The following ATE1 variants were observed in gnomAD, a reference collection of about 807,000 sequenced individuals.
ATE1 encodes arginyltransferase 1, also known as arginyl-tRNA--protein transferase 1.
Under a neutral mutation model 70.5 loss-of-function variants are expected in ATE1, and 36 were observed. The observed-to-expected ratio is 0.51, with a 90% CI of 0.39 to 0.67. The LOEUF is 0.67. Ranked by LOEUF, ATE1 falls within the 30% of genes least tolerant of loss-of-function variation. The pLI, the probability that ATE1 is intolerant of heterozygous loss-of-function variation, is 0.00. For missense variants in ATE1, 593 were observed against 629.5 expected, an observed-to-expected ratio of 0.94 and a Z score of 0.62; for synonymous variants, 232 against 219.3, an observed-to-expected ratio of 1.06 and a Z score of -0.51.
In ATE1 at chr10:121,857,908, T is replaced by C. The variant is rs544166307; in HGVS notation, c.975+12098A>G. Among the ~76,000 whole-genome samples the C allele has an allele frequency of 7.9e-5, 12 of 152,338 alleles. 1 individual carries two copies. The East Asian group carries it at 2.1e-3, about 27-fold the overall frequency. On this transcript the variant is annotated intron_variant, in intron 8 of 11. Coordinates refer to ENST00000224652, the MANE Select transcript of ATE1 (RefSeq NM_001001976.3). ...CACTTTCTAGCTGTAGCCACTTGAC[T>C]ACTGTATGTACCTCATGTAAGTAGA... is the stretch of plus-strand genomic sequence containing the variant.
At chr10:121,925,505 T>G (rs1227715611) in intron 1 of ATE1, among the ~76,000 whole-genome samples, 3 of 151,464 alleles carry the variant, frequency 2.0e-5, no homozygotes, top group Non-Finnish European at 2.9e-5. Flanking sequence ...GGGGCTATGA[T>G]GTTGTCAACA....
chr10:121,925,979 G>A (rs1952073262), intron 1 of ATE1, among the ~76,000 whole-genome samples: 1 of 152,162 alleles, frequency 6.6e-6, no homozygotes, highest in Non-Finnish European at 1.5e-5. Context: ...GCCGAGGCGG[G>A]TAGATCACCT....
rs1949109953 is a variant in ATE1 at position 121,852,939 on chromosome 10, C to T, written c.976-11676G>A. ...GTGCAACAGATTCCTAATTTTCTGGCTGACAATTAGACACTAAAGACAGGG... is the reference window on the plus strand; with the variant it reads ...GTGCAACAGATTCCTAATTTTCTGGTTGACAATTAGACACTAAAGACAGGG... On this transcript the variant is annotated intron_variant, in intron 8 of 11. Coordinates refer to ENST00000224652, the MANE Select transcript of ATE1 (RefSeq NM_001001976.3). Among the ~76,000 whole-genome samples the T allele has an allele frequency of 2.0e-5, 3 of 152,068 alleles. 1 individual carries two copies. Among genetic ancestry groups the T allele is most frequent in the Admixed American group, 1.3e-4 (2 of 15,274 alleles).
chr10:121,912,860 G>A (rs1013974852), intron 4 of ATE1, among the ~76,000 whole-genome samples: 4 of 149,936 alleles, frequency 2.7e-5, no homozygotes, highest in East Asian at 4.1e-4. Context: ...CTCAGCCTCC[G>A]AGTAGCTGGG....
rs1590606439 is a variant in ATE1 at position 121,878,367 on chromosome 10, T to C, written c.943-8329A>G. ...CAGCACTTTGGGAGGCTGAGGCGGGTAGACTGCTTGAGGCCAGGAGTTCGA... is the reference window on the plus strand; with the variant it reads ...CAGCACTTTGGGAGGCTGAGGCGGGCAGACTGCTTGAGGCCAGGAGTTCGA... On this transcript the variant is annotated intron_variant, in intron 7 of 11. Coordinates refer to ENST00000224652, the MANE Select transcript of ATE1 (RefSeq NM_001001976.3). Among the ~76,000 whole-genome samples the C allele has an allele frequency of 2.0e-5, 3 of 151,824 alleles. No homozygotes were observed. In the East Asian group the frequency reaches 5.8e-4, roughly 29 times the overall value.
intron 5 of ATE1, 115 bp downstream of exon 5, chr10:121,910,791 T>G: frequency 1.4e-6 from 2 of 1,403,986 alleles, no homozygotes; most frequent in Non-Finnish European, 2.0e-6. Context: ...AGGGTTCTGT[T>G]TTACAGACTG....
intron 11 of ATE1, among the ~76,000 whole-genome samples, chr10:121,759,115 T>C (rs1944927769): frequency 6.6e-6 from 1 of 152,240 alleles, no homozygotes; most frequent in Non-Finnish European, 1.5e-5. Flanking sequence ...GACAGACTGA[T>C]GGCTCTTGTG....
chr10:121,847,545 C>A (rs1249962665), intron 8 of ATE1, among the ~76,000 whole-genome samples: 1 of 151,652 alleles, frequency 6.6e-6, no homozygotes, highest in African/African-American at 2.4e-5. Context: ...AGATCACGAG[C>A]TCAGGAGATC....
intron 7 of ATE1, among the ~76,000 whole-genome samples, chr10:121,884,393 A>C (rs1381089950): frequency 6.6e-6 from 1 of 151,948 alleles, no homozygotes; most frequent in Non-Finnish European, 1.5e-5. Context: ...TGAGGCCAGG[A>C]GTTCAAGACC....
At chr10:121,756,924 G>A (rs1157206071) in intron 11 of ATE1, among the ~76,000 whole-genome samples, 9 of 152,278 alleles carry the variant, frequency 5.9e-5, no homozygotes, top group South Asian at 4.1e-4. Flanking sequence ...TGTTACTTAC[G>A]CAAATTTCTG....
intron 10 of ATE1, among the ~76,000 whole-genome samples, chr10:121,792,474 T>TCACTGCACTGTTGCTGCC (rs1564842108): frequency 5.3e-5 from 8 of 152,338 alleles, no homozygotes; most frequent in Non-Finnish European, 8.8e-5. Flanking sequence ...CTGTTGCTGG[T>TCACTGCACTGTTGCTGCC]TCACTGCACT....
At chr10:121,835,545 T>C (rs573097645) in intron 10 of ATE1, among the ~76,000 whole-genome samples, 8 of 152,092 alleles carry the variant, frequency 5.3e-5, no homozygotes, top group East Asian at 1.9e-4. Flanking sequence ...GCAAATATAA[T>C]GTATGAACCT....
rs1028979980 is a variant in ATE1 at position 121,742,800 on chromosome 10, C to T, written c.*880G>A. 2 of 152,204 alleles carry T rather than the reference C, an allele frequency of 1.3e-5. No homozygotes were observed. Among genetic ancestry groups the T allele is most frequent in the African/African-American group, 4.8e-5 (2 of 41,450 alleles). 9.4% of individuals were successfully genotyped at this position (152,204 alleles called of 1,614,324 possible). A position where few individuals can be genotyped will look rare whatever the true frequency, so the allele number is the denominator to read the frequency against. On this transcript the variant is annotated 3_prime_UTR_variant, in exon 12 of 12. Coordinates refer to ENST00000224652, the MANE Select transcript of ATE1 (RefSeq NM_001001976.3). Reference sequence around the variant, plus strand: ...GCATAACTATGAAAGTAATCACATACTAATTTCCATTAATAACCAAAGACA... The same window carrying T: ...GCATAACTATGAAAGTAATCACATATTAATTTCCATTAATAACCAAAGACA...
chr10:121,858,057 C>T (rs542585503), intron 8 of ATE1, among the ~76,000 whole-genome samples: 3 of 152,282 alleles, frequency 2.0e-5, no homozygotes, highest in Admixed American at 2.0e-4. Context: ...TCCTTCATAT[C>T]TATGTACCAT....
At chr10:121,877,822 T>C (rs1950102464) in intron 7 of ATE1, among the ~76,000 whole-genome samples, 1 of 152,198 alleles carries the variant, frequency 6.6e-6, no homozygotes, top group Non-Finnish European at 1.5e-5. Context: ...TCTGGAAAAC[T>C]GGCCACATTT....
intron 5 of ATE1, among the ~76,000 whole-genome samples, chr10:121,905,738 G>T (rs1175982714): frequency 6.6e-6 from 1 of 152,048 alleles, no homozygotes; most frequent in African/African-American, 2.4e-5. Flanking sequence ...CCAGCTACTT[G>T]GGAACCTGAG....
At chr10:121,810,553 A>G (rs1947277529) in intron 10 of ATE1, among the ~76,000 whole-genome samples, 1 of 152,166 alleles carries the variant, frequency 6.6e-6, no homozygotes, top group Admixed American at 6.6e-5. Context: ...TACAGGCGTG[A>G]GACACCGCGC....
intron 10 of ATE1, among the ~76,000 whole-genome samples, chr10:121,792,759 T>C (rs1161314112): frequency 6.6e-6 from 1 of 152,152 alleles, no homozygotes; most frequent in East Asian, 1.9e-4. Flanking sequence ...GTCTGTTTTT[T>C]CCTTCTTGGT....
intron 8 of ATE1, among the ~76,000 whole-genome samples, chr10:121,844,344 G>A (rs1406625035): frequency 1.3e-5 from 2 of 152,198 alleles, no homozygotes; most frequent in African/African-American, 4.8e-5. Flanking sequence ...CATATGAAAA[G>A]ATGCTCAATA....
Sources: gnomAD v4.1 joint callset for allele counts (sites outside exome capture counted in the v4.1 genomes callset) on GRCh38, gnomAD v4.1.1 for gene constraint, MANE v1.5 for transcripts, NCBI Gene and HGNC (gene_info 2026-07-23, HGNC 2026-07-21) for gene names.